Variants in ATG2B observed in about 807,000 individuals in gnomAD.
The protein encoded by ATG2B is autophagy related 2B.
ATG2B carries 121 observed loss-of-function variants against 241.3 expected under a neutral mutation model. The observed-to-expected ratio is 0.50, with a 90% CI of 0.43 to 0.58. The LOEUF (loss-of-function observed/expected upper bound fraction) is 0.58. Ranked by LOEUF, ATG2B falls within the 20% of genes least tolerant of loss-of-function variation. The probability of loss-of-function intolerance (pLI) is 0.00; values close to 1 mark genes in which losing one functional copy is unlikely to be tolerated. For missense variants in ATG2B, 2,306 were observed against 2,491.6 expected (o/e 0.93, Z 1.59); for synonymous variants, 858 against 876.6 (o/e 0.98, Z 0.37).
chr14:96,294,879 G>A, intron 36 of ATG2B, 81 bp downstream of exon 36: 1 of 1,278,760 alleles, frequency 7.8e-7, no homozygotes, highest in South Asian at 1.4e-5. Context: ...GGAACCTCAT[G>A]ATTACCAGCA....
chr14:96,362,750 C>T (rs1888697877), intron 1 of ATG2B, 65 bp downstream of exon 1: 4 of 1,508,442 alleles, frequency 2.7e-6, no homozygotes, highest in Non-Finnish European at 3.6e-6. Context: ...TCTTGGATGG[C>T]ACTGGTTCAA....
chr14:96,298,089 C>A (rs1886696575), intron 34 of ATG2B, among the ~76,000 whole-genome samples: 1 of 152,192 alleles, frequency 6.6e-6, no homozygotes, highest in Non-Finnish European at 1.5e-5. Flanking sequence ...GTAACCCGCA[C>A]CCGACCCAAA....
rs773779110 is a variant in ATG2B at position 96,307,428 on chromosome 14, C to CA, written c.4304-513dup. Among the ~76,000 whole-genome samples the CA allele has an allele frequency of 4.4e-3, 648 of 148,906 alleles. 26 individuals carry two copies. The South Asian group carries it at 0.067, about 15-fold the overall frequency. On this transcript the variant is annotated intron_variant, in intron 29 of 41. Coordinates refer to ENST00000359933, the MANE Select transcript of ATG2B (RefSeq NM_018036.7). The stretch of plus-strand genomic sequence containing the variant: ...CCTGTCAAAAAAACAAACAAACAAA[C>CA]AAAAAACAACAACTAATAAAAAGAC...
At chr14:96,332,160 ATTGT>A (rs1338140236) in intron 10 of ATG2B, 141 bp downstream of exon 10, 8 of 615,258 alleles carry the variant, frequency 1.3e-5, no homozygotes, top group South Asian at 4.3e-5. Context: ...TTCACAGTGA[ATTGT>A]TTAACAATGG....
chr14:96,354,031 TA>T (rs1315563497), intron 1 of ATG2B, among the ~76,000 whole-genome samples: 3 of 152,222 alleles, frequency 2.0e-5, no homozygotes, highest in African/African-American at 7.2e-5. Context: ...AAAATTATAA[TA>T]AAAAGTAAGT....
At chr14:96,356,833 G>C (rs1410384530) in intron 1 of ATG2B, among the ~76,000 whole-genome samples, 1 of 152,026 alleles carries the variant, frequency 6.6e-6, no homozygotes, top group Non-Finnish European at 1.5e-5. Flanking sequence ...TACTAAGCTT[G>C]AGTAAGTTAT....
At chr14:96,332,276 C>G in intron 10 of ATG2B, 29 bp downstream of exon 10, 1 of 1,539,186 alleles carries the variant, frequency 6.5e-7, no homozygotes, top group Non-Finnish European at 8.9e-7. Flanking sequence ...CCAGCGGAAA[C>G]TAACAACAAA....
At chr14:96,327,191 G>A (rs560411466) in intron 14 of ATG2B, among the ~76,000 whole-genome samples, 1 of 151,732 alleles carries the variant, frequency 6.6e-6, no homozygotes, top group South Asian at 2.1e-4. Context: ...AGCTGATACC[G>A]TATGACAGCA....
intron 34 of ATG2B, 134 bp downstream of exon 34, chr14:96,301,873 A>G (rs1251704430): frequency 1.5e-6 from 1 of 653,106 alleles, no homozygotes; most frequent in Non-Finnish European, 2.6e-6. Context: ...AATTTGCCCT[A>G]TTCTTTATCA....
At position 96,333,696 on chromosome 14, in the gene ATG2B, G is replaced by C; in HGVS notation, c.1199C>G (p.Ser400Cys). 1.2e-6 allele frequency: 2 copies of C among 1,613,324 alleles called. No individual in the cohort carries two copies. Among genetic ancestry groups the C allele is most frequent in the Non-Finnish European group, 1.7e-6 (2 of 1,179,632 alleles). ...CAGTTTGAGTTGCTTACCACGGCTA[G>C]AAGGTGTACGAGCTGTTTCTGTCTC... ...FYETETARTPSSREEEVFFSM... is the reference protein window; with the variant it reads ...FYETETARTPCSREEEVFFSM... The change falls in exon 8 of 42, where the codon TCT becomes TGT. Residue 400 changes from serine (S) to cysteine (C), a missense_variant. Transcript: ENST00000359933.
At chr14:96,325,130 C>T (rs1208785219) in intron 15 of ATG2B, among the ~76,000 whole-genome samples, 6 of 152,166 alleles carry the variant, frequency 3.9e-5, no homozygotes. Context: ...GCTCAAGCTC[C>T]ACTGTCAGAC....
intron 1 of ATG2B, among the ~76,000 whole-genome samples, chr14:96,360,836 G>T (rs1477599622): frequency 6.9e-6 from 1 of 145,628 alleles, no homozygotes; most frequent in Non-Finnish European, 1.5e-5. Context: ...GCTCATGCCT[G>T]TAATCTGAGC....
chr14:96,363,157 C>T lies in ATG2B; in HGVS notation c.-181G>A, dbSNP rs1005753371. On this transcript the variant is annotated 5_prime_UTR_variant, in exon 1 of 42. Transcript: ENST00000359933. ...CCGGCGCCGCACCGCTCGCGCTGGG[C>T]CTGGCGGAGGCAAGACGCAGAGGGG... The T allele has an allele frequency of 3.1e-6, 2 of 641,290 alleles. No individual in the cohort carries two copies. Among genetic ancestry groups the T allele is most frequent in the Non-Finnish European group, 5.3e-6 (2 of 375,878 alleles). 39.7% of individuals were successfully genotyped at this position (641,290 alleles called of 1,614,324 possible). A position where few individuals can be genotyped will look rare whatever the true frequency, so the allele number is the denominator to read the frequency against.
At position 96,295,534 on chromosome 14, in the gene ATG2B, G is replaced by T; in HGVS notation, c.5166C>A (p.Phe1722Leu). 1 of 1,605,520 alleles carries T rather than the reference G, an allele frequency of 6.2e-7. No homozygotes were observed. Among genetic ancestry groups the T allele is most frequent in the Non-Finnish European group, 8.5e-7 (1 of 1,176,908 alleles). Reference protein sequence around the residue: ...DQDALFFLKDFFTSLSAEVEL... With the variant: ...DQDALFFLKDLFTSLSAEVEL... The stretch of plus-strand genomic sequence containing the variant: ...CTACTTCTGCAGAAAGACTTGTGAA[G>T]AAATCCTTCAGGAAGAACAAAGCAT... The change falls in exon 35 of 42, where the codon TTC becomes TTA. Residue 1722 changes from phenylalanine (F) to leucine (L), a missense_variant. Phe to Leu is a conservative substitution (Grantham distance 22). Transcript: ENST00000359933.
chr14:96,353,372 C>T (rs865902082), intron 1 of ATG2B, among the ~76,000 whole-genome samples: 31 of 152,270 alleles, frequency 2.0e-4, no homozygotes, highest in South Asian at 1.0e-3. Context: ...CACCTGTAAT[C>T]CTAGCACTTT....
chr14:96,342,726 A>G (rs1041572863), intron 5 of ATG2B, among the ~76,000 whole-genome samples: 11 of 151,782 alleles, frequency 7.2e-5, no homozygotes, highest in Admixed American at 7.2e-4. Flanking sequence ...CCAAAAAAAA[A>G]AAAAAAACAA....
intron 34 of ATG2B, among the ~76,000 whole-genome samples, chr14:96,300,390 G>C (rs1005723451): frequency 2.0e-5 from 3 of 152,104 alleles, no homozygotes; most frequent in African/African-American, 7.2e-5. Flanking sequence ...GCTGGACATG[G>C]TGGTATGCGC....
At chr14:96,328,293 A>G in intron 14 of ATG2B, 54 bp downstream of exon 14, 1 of 1,244,732 alleles carries the variant, frequency 8.0e-7, no homozygotes, top group East Asian at 2.3e-5. Context: ...TATCTCAATA[A>G]CCCTATTAGC....
chr14:96,308,700 AAC>A (rs1887071339), intron 29 of ATG2B, among the ~76,000 whole-genome samples: 1 of 152,144 alleles, frequency 6.6e-6, no homozygotes, highest in Non-Finnish European at 1.5e-5. Flanking sequence ...GCAAGACAGC[AAC>A]AGTTAACACT....
Sources: gnomAD v4.1 joint callset for allele counts (sites outside exome capture counted in the v4.1 genomes callset) on GRCh38, gnomAD v4.1.1 for gene constraint, MANE v1.5 for transcripts, NCBI Gene and HGNC (gene_info 2026-07-23, HGNC 2026-07-21) for gene names.